COL9A3: variants seen among roughly 807,000 people sequenced by gnomAD.
COL9A3 encodes collagen alpha-3(IX) chain.
COL9A3 carries 82 observed loss-of-function variants against 110.2 expected under a neutral mutation model. The ratio of observed to expected loss-of-function variants is 0.74; its 90% CI spans 0.62 to 0.89. The LOEUF is 0.89. COL9A3 is among the 40% of genes least tolerant of loss of function. The pLI is 0.00. For synonymous variants in COL9A3, 494 were observed against 403.8 expected (o/e 1.22, Z -2.68); for missense variants, 1,066 against 981.3 (o/e 1.09, Z -1.15).
intron 6 of COL9A3, 73 bp downstream of exon 6, chr20:62,821,289 G>A (rs2063510283): frequency 6.6e-7 from 1 of 1,506,592 alleles, no homozygotes; most frequent in Non-Finnish European, 9.2e-7. Flanking sequence ...AAATGGGGTG[G>A]CCTCCAGGAA....
At chr20:62,820,346 C>T (rs1451983664) in intron 5 of COL9A3, among the ~76,000 whole-genome samples, 4 of 152,196 alleles carry the variant, frequency 2.6e-5, no homozygotes, top group African/African-American at 4.8e-5. Flanking sequence ...TCCCCTGTGC[C>T]TGCCTGTTGG....
chr20:62,822,785 A>C lies in COL9A3; in HGVS notation c.519+153A>C, dbSNP rs1039170619. ...AGCTCAGAGCAGACAGCTCGGGCAC[A>C]ACCTGGCAGAGAGGCTGGCTGGGAC... On this transcript the variant is annotated intron_variant, in intron 10 of 31. Transcript: ENST00000649368. Among the ~76,000 whole-genome samples the C allele has an allele frequency of 2.6e-5, 4 of 151,988 alleles. No individual in the cohort carries two copies. The East Asian group carries it at 7.8e-4, about 30-fold the overall frequency.
Position 62,822,069 on chromosome 20 carries a change from G to A in COL9A3, c.424-42G>A. 4 of 1,225,868 alleles carry A rather than the reference G, an allele frequency of 3.3e-6. No homozygotes were observed. In the African/African-American group the frequency reaches 4.4e-5, roughly 14 times the overall value. 75.9% of individuals were successfully genotyped at this position (1,225,868 alleles called of 1,614,324 possible). On this transcript the variant is annotated intron_variant, in intron 8 of 31. Transcript: ENST00000649368. ...GAGAAGCCGGGCACCTCACTCAGGT[G>A]GGGGCTGGTCCCACTCTGTCTAAGT...
At chr20:62,837,380 C>A in intron 30 of COL9A3, 115 bp downstream of exon 30, 1 of 1,111,558 alleles carries the variant, frequency 9.0e-7, no homozygotes, top group Non-Finnish European at 1.3e-6. Flanking sequence ...ACCCCTGGAA[C>A]GTGGGGGCCT....
intron 30 of COL9A3, among the ~76,000 whole-genome samples, chr20:62,837,541 G>C (rs1357357538): frequency 1.3e-5 from 2 of 152,250 alleles, no homozygotes; most frequent in Admixed American, 6.5e-5. Flanking sequence ...GGGCGCGGTG[G>C]CTCACGCCTG....
intron 4 of COL9A3, 94 bp from the exon 5 acceptor site, chr20:62,819,835 T>A: frequency 7.2e-7 from 1 of 1,390,278 alleles, no homozygotes; most frequent in Non-Finnish European, 1.0e-6. Context: ...CTCTCTGGAC[T>A]CACCAAGGGA....
At chr20:62,819,711 C>G (rs1483203249) in intron 4 of COL9A3, among the ~76,000 whole-genome samples, 1 of 152,186 alleles carries the variant, frequency 6.6e-6, no homozygotes, top group Admixed American at 6.5e-5. Flanking sequence ...CAGGTGCCTC[C>G]GTTGCTGGCT....
At chr20:62,824,635 A>G (rs554780788) in intron 11 of COL9A3, 134 bp downstream of exon 11, 1 of 961,120 alleles carries the variant, frequency 1.0e-6, no homozygotes, top group African/African-American at 1.6e-5. Context: ...GAAGAAAGCT[A>G]GGCCAGCCTC....
chr20:62,822,155 C>T lies in COL9A3; in HGVS notation c.468C>T (p.Pro156=), dbSNP rs137979802. 859 of 1,573,842 alleles carry T rather than the reference C, an allele frequency of 5.5e-4. 3 individuals carry two copies. Among genetic ancestry groups the T allele is most frequent in the East Asian group, 5.4e-3 (242 of 44,736 alleles). ...GCCTCCCTGGTCCCCCAGGACCTCCCGGACCCCCTGTAAGTACTGGGCAGA... is the reference window on the plus strand; with the variant it reads ...GCCTCCCTGGTCCCCCAGGACCTCCTGGACCCCCTGTAAGTACTGGGCAGA... ...LPGLPGPPGP[P]GPPGHPGVLP... The change falls in exon 9 of 32, where the codon CCC becomes CCT. Residue 156 remains proline (P), a synonymous_variant. Transcript: ENST00000649368.
In COL9A3 at chr20:62,840,945, T is replaced by G; in HGVS notation, c.*213T>G. The G allele has an allele frequency of 1.7e-6, 1 of 585,300 alleles. No homozygotes were observed. The highest frequency in any genetic ancestry group is 3.1e-6 in the Non-Finnish European group (1 of 323,534). 36.3% of individuals were successfully genotyped at this position (585,300 alleles called of 1,614,324 possible). A position where few individuals can be genotyped will look rare whatever the true frequency, so the allele number is the denominator to read the frequency against. On this transcript the variant is annotated 3_prime_UTR_variant, in exon 32 of 32. Transcript: ENST00000649368. ...CAAAAGGCCCTAGCTAATAAACCTG[T>G]AAGCCCAGCATTTGAGAGAAGGTAG...
intron 14 of COL9A3, 36 bp from the exon 15 acceptor site, chr20:62,826,731 G>C: frequency 6.2e-7 from 1 of 1,610,898 alleles, no homozygotes; most frequent in South Asian, 1.1e-5. Flanking sequence ...CCAGGCCTCA[G>C]ACAAGAGGAC....
chr20:62,829,579 G>C, intron 20 of COL9A3, 49 bp from the exon 21 acceptor site: 3 of 1,611,008 alleles, frequency 1.9e-6, no homozygotes, highest in Non-Finnish European at 2.5e-6. Flanking sequence ...CAGCGACCTG[G>C]CCCCAGTGCA....
At chr20:62,829,379 T>C in intron 19 of COL9A3, 76 bp from the exon 20 acceptor site, 1 of 1,586,176 alleles carries the variant, frequency 6.3e-7, no homozygotes, top group Non-Finnish European at 8.6e-7. Flanking sequence ...GCACCCTGCC[T>C]GCGTGCACGC....
At chr20:62,836,397 A>C (rs922813613) in intron 28 of COL9A3, 64 bp downstream of exon 28, 2 of 1,613,834 alleles carry the variant, frequency 1.2e-6, no homozygotes, top group Admixed American at 1.7e-5. Flanking sequence ...TCCGGAAGGA[A>C]GTTACTTTGC....
rs555504734 is a variant in COL9A3 at position 62,837,398 on chromosome 20, T to C, written c.1786+133T>C. 105 of 919,622 alleles carry C rather than the reference T, an allele frequency of 1.1e-4. 1 individual carries two copies. In the African/African-American group the frequency reaches 1.6e-3, roughly 14 times the overall value. 57.0% of individuals were successfully genotyped at this position (919,622 alleles called of 1,614,324 possible). A position where few individuals can be genotyped will look rare whatever the true frequency, so the allele number is the denominator to read the frequency against. On this transcript the variant is annotated intron_variant, in intron 30 of 31. Transcript: ENST00000649368. ...CCTGGAACGTGGGGGCCTCTCATGT[T>C]TTGGGGCCTAGCGCAGTTAACTCCT...
intron 26 of COL9A3, among the ~76,000 whole-genome samples, chr20:62,833,443 A>C (rs955083220): frequency 6.6e-6 from 1 of 152,048 alleles, no homozygotes; most frequent in South Asian, 2.1e-4. Flanking sequence ...TCACTCTGTC[A>C]CCCAGGCTGG....
intron 26 of COL9A3, among the ~76,000 whole-genome samples, chr20:62,835,146 G>C (rs768002545): frequency 1.3e-5 from 2 of 152,236 alleles, no homozygotes; most frequent in African/African-American, 4.8e-5. Flanking sequence ...GTCTGGGCCC[G>C]GTCGGTCCCT....
chr20:62,824,436 T>C lies in COL9A3; in HGVS notation c.520-9T>C, dbSNP rs1463958016. 6.3e-7 allele frequency: 1 copy of C among 1,599,018 alleles called. No homozygotes were observed. Among genetic ancestry groups the C allele is most frequent in the Non-Finnish European group, 8.5e-7 (1 of 1,173,352 alleles). ...CTGGGAGGGGTCTGACTGCTCTGTT[T>C]TCCGACAGTGCCCAAGTATCTGCCC... On this transcript the variant is annotated splice_polypyrimidine_tract_variant and intron_variant, in intron 10 of 31. Transcript: ENST00000649368.
chr20:62,837,469 T>C (rs931361167), intron 30 of COL9A3, among the ~76,000 whole-genome samples: 10 of 152,254 alleles, frequency 6.6e-5, no homozygotes, highest in Admixed American at 6.5e-5. Context: ...GTGATGTTTT[T>C]CTCAAATACC....
Sources: gnomAD v4.1 joint callset for allele counts (sites outside exome capture counted in the v4.1 genomes callset) on GRCh38, gnomAD v4.1.1 for gene constraint, MANE v1.5 for transcripts, NCBI Gene and HGNC (gene_info 2026-07-23, HGNC 2026-07-21) for gene names.